KIF15: variants seen among roughly 807,000 people sequenced by gnomAD.
KIF15 encodes kinesin family member 15, also known as kinesin-like protein KIF15.
In KIF15, 140 loss-of-function variants were observed where a neutral mutation model predicts 190.6. The observed-to-expected ratio is 0.73, with a 90% CI of 0.64 to 0.84. KIF15 has a LOEUF of 0.84. KIF15 is among the 40% of genes least tolerant of loss of function. KIF15 has a pLI of 0.00. For synonymous variants in KIF15, 528 were observed against 551.3 expected (o/e 0.96, Z 0.59); for missense variants, 1,372 against 1,584.4 (o/e 0.87, Z 2.28).
chr3:44,799,832 C>T (rs1052927312), intron 10 of KIF15, among the ~76,000 whole-genome samples: 2 of 151,430 alleles, frequency 1.3e-5, no homozygotes, highest in African/African-American at 2.4e-5. Context: ...AAATAAAGGT[C>T]GGATTCCTCT....
intron 1 of KIF15, among the ~76,000 whole-genome samples, chr3:44,762,745 T>C (rs1267081296): frequency 1.3e-5 from 2 of 152,216 alleles, no homozygotes; most frequent in African/African-American, 4.8e-5. Flanking sequence ...ATGGGTTTGT[T>C]GTTTCATTAA....
At chr3:44,821,084 C>A (rs1708262556) in intron 20 of KIF15, among the ~76,000 whole-genome samples, 1 of 146,378 alleles carries the variant, frequency 6.8e-6, no homozygotes, top group Non-Finnish European at 1.5e-5. Context: ...GCGGGCTGAC[C>A]CCCCCCACCT....
chr3:44,865,028 T>G (rs200958031), intron 6 of KIF15: 1 of 1,613,922 alleles, frequency 6.2e-7, no homozygotes, highest in African/African-American at 1.3e-5. Context: ...CACAGCTATC[T>G]TTGTCTCGCA....
intron 3 of KIF15, 25 bp downstream of exon 3, chr3:44,775,462 T>C (rs1363635454): frequency 1.1e-5 from 3 of 265,872 alleles, no homozygotes; most frequent in South Asian, 1.7e-4. Context: ...AAACTTAACT[T>C]TTTTTTTTTT....
chr3:44,813,193 A>G lies in KIF15; in HGVS notation c.2383+13A>G, dbSNP rs1468434072. On this transcript the variant is annotated intron_variant, in intron 19 of 34. Transcript: ENST00000326047. The stretch of plus-strand genomic sequence containing the variant: ...ACTAAAAATGACTGTAAGTTATTCT[A>G]TCAGGAGCTTTGTGACTTGAAGGAA... 1.4e-6 allele frequency: 2 copies of G among 1,450,572 alleles called. No homozygotes were observed. Among genetic ancestry groups the G allele is most frequent in the African/African-American group, 1.4e-5 (1 of 70,522 alleles). The allele number at this position is 1,450,572 out of a possible 1,614,324, so 89.9% of individuals were successfully genotyped here.
Position 44,814,842 on chromosome 3 carries a change from C to A in KIF15, c.2384-69C>A, listed in dbSNP as rs57339731. 7.0e-3 allele frequency: 8,958 copies of A among 1,287,116 alleles called. 415 individuals carry two copies. In the African/African-American group the frequency reaches 0.11, roughly 15 times the overall value. The allele number at this position is 1,287,116 out of a possible 1,614,324, so 79.7% of individuals were successfully genotyped here. A position where few individuals can be genotyped will look rare whatever the true frequency, so the allele number is the denominator to read the frequency against. ...CGACTTGATTTTGCTAATTGTGGGA[C>A]TAGTACCTATCAGATTTATTTGTCT... On this transcript the variant is annotated intron_variant, in intron 19 of 34. Transcript: ENST00000326047.
At chr3:44,793,357 GGCT>G (rs1438622319) in intron 7 of KIF15, among the ~76,000 whole-genome samples, 4 of 152,006 alleles carry the variant, frequency 2.6e-5, no homozygotes. Context: ...CAAAACTTTG[GGCT>G]TAAAGATAAT....
chr3:44,815,795 C>T (rs927034840), intron 20 of KIF15, among the ~76,000 whole-genome samples: 8 of 152,002 alleles, frequency 5.3e-5, no homozygotes, highest in African/African-American at 1.9e-4. Flanking sequence ...TTGATAATGT[C>T]TCCTGTGTCT....
chr3:44,842,960 G>C (rs867739357), intron 29 of KIF15, among the ~76,000 whole-genome samples, 165 bp from the exon 30 acceptor site: 52 of 151,934 alleles, frequency 3.4e-4, no homozygotes, highest in Non-Finnish European at 4.3e-4. Context: ...ACCATTCTAG[G>C]CCTCCAATAG....
rs568555625 is a variant in KIF15 at position 44,775,630 on chromosome 3, A to G, written c.246+193A>G. The stretch of plus-strand genomic sequence containing the variant: ...GCCACCATGCCTAGCTAATTTTTGT[A>G]TTTTTAGTAGAGATGGGGTTTCACC... On this transcript the variant is annotated intron_variant, in intron 3 of 34. Transcript: ENST00000326047. 4.0e-5 allele frequency among the ~76,000 whole-genome samples: 6 copies of G among 151,304 alleles called. No homozygotes were observed. In the South Asian group the frequency reaches 1.3e-3, roughly 32 times the overall value.
chr3:44,767,835 C>T (rs1705464650), intron 1 of KIF15, among the ~76,000 whole-genome samples: 1 of 137,316 alleles, frequency 7.3e-6, no homozygotes, highest in Non-Finnish European at 1.5e-5. Context: ...GTGGAGCTTG[C>T]AGTGAGCGGA....
intron 20 of KIF15, among the ~76,000 whole-genome samples, chr3:44,815,618 A>G (rs1187826655): frequency 6.6e-6 from 1 of 152,194 alleles, no homozygotes; most frequent in Non-Finnish European, 1.5e-5. Flanking sequence ...AACCAAAACA[A>G]TAGTCTTCAC....
chr3:44,828,141 A>G, intron 23 of KIF15, 73 bp from the exon 24 acceptor site: 4 of 1,047,490 alleles, frequency 3.8e-6, no homozygotes, highest in Non-Finnish European at 5.9e-6. Context: ...GCTGCTTTCA[A>G]CTTGTTTATC....
chr3:44,850,490 G>A (rs1559595771), intron 32 of KIF15, among the ~76,000 whole-genome samples: 1 of 152,180 alleles, frequency 6.6e-6, no homozygotes, highest in Non-Finnish European at 1.5e-5. Context: ...GTAACCAAGA[G>A]TCTTCATGAT....
intron 18 of KIF15, 105 bp downstream of exon 18, chr3:44,812,394 C>A: frequency 1.3e-6 from 1 of 772,006 alleles, no homozygotes; most frequent in Non-Finnish European, 2.2e-6. Context: ...ATGCATGAAA[C>A]ATATTCAGAG....
intron 10 of KIF15, among the ~76,000 whole-genome samples, chr3:44,798,822 T>C (rs1162057954): frequency 6.6e-6 from 1 of 152,238 alleles, no homozygotes; most frequent in East Asian, 1.9e-4. Flanking sequence ...AGTTCCATCC[T>C]GACACTTTAT....
Position 44,847,970 on chromosome 3 carries a change from T to G in KIF15, c.3696-15T>G, listed in dbSNP as rs768365863. On this transcript the variant is annotated splice_polypyrimidine_tract_variant and intron_variant, in intron 30 of 34. Coordinates refer to ENST00000326047, the MANE Select transcript of KIF15 (RefSeq NM_020242.3). ...GTTTTCCTATGCCTCCTCCCACCCC[T>G]GTTAATCTATGCAGTGATCAGAATC... 2.5e-6 allele frequency: 4 copies of G among 1,583,308 alleles called. No individual in the cohort carries two copies. The highest frequency in any genetic ancestry group is 1.8e-5 in the Admixed American group (1 of 54,688).
downstream of KIF15, among the ~76,000 whole-genome samples, chr3:44,855,529 G>A (rs1426541069): frequency 1.3e-5 from 2 of 152,178 alleles, no homozygotes; most frequent in Non-Finnish European, 2.9e-5. Flanking sequence ...AAATAGTGAT[G>A]AAGTGTTGGA....
intron 32 of KIF15, 41 bp from the exon 33 acceptor site, chr3:44,851,746 G>A (rs759501244): frequency 2.0e-6 from 3 of 1,523,360 alleles, no homozygotes; most frequent in Non-Finnish European, 2.7e-6. Context: ...TTATGATTAT[G>A]TTTCTTTCAA....
Sources: gnomAD v4.1 joint callset for allele counts (sites outside exome capture counted in the v4.1 genomes callset) on GRCh38, gnomAD v4.1.1 for gene constraint, MANE v1.5 for transcripts, NCBI Gene and HGNC (gene_info 2026-07-23, HGNC 2026-07-21) for gene names.